Variants in GPHN observed in about 807,000 individuals in gnomAD.
GPHN encodes gephyrin.
In GPHN, 17 loss-of-function variants were observed where a neutral mutation model predicts 95.5. That is an observed-to-expected ratio of 0.18 (90% CI 0.12 to 0.27). The LOEUF is 0.27. Ranked by LOEUF, GPHN falls within the 10% of genes least tolerant of loss-of-function variation. GPHN has a pLI of 1.00. For missense variants in GPHN, 660 were observed against 978.1 expected (o/e 0.67, Z 4.34); for synonymous variants, 320 against 322.5 (o/e 0.99, Z 0.08).
intron 5 of GPHN, among the ~76,000 whole-genome samples, chr14:66,882,867 A>C (rs1170006779): frequency 6.6e-6 from 1 of 151,510 alleles, no homozygotes; most frequent in African/African-American, 2.4e-5. Context: ...AAAAAAAAAA[A>C]AGTAAAATAA....
At chr14:66,886,126 A>G (rs1434680560) in intron 5 of GPHN, among the ~76,000 whole-genome samples, 1 of 152,208 alleles carries the variant, frequency 6.6e-6, no homozygotes, top group Non-Finnish European at 1.5e-5. Flanking sequence ...GTAAATATCA[A>G]TAAATATATT....
At chr14:67,546,829 C>G in the GPHN span, among the ~76,000 whole-genome samples, 1 of 152,224 alleles carries the variant, frequency 6.6e-6, no homozygotes, top group Non-Finnish European at 1.5e-5. Flanking sequence ...TCACACTACA[C>G]TCCAGCCTGG....
chr14:67,124,689 G>A (rs1264744174), intron 17 of GPHN, among the ~76,000 whole-genome samples: 6 of 152,116 alleles, frequency 3.9e-5, no homozygotes, highest in Non-Finnish European at 1.5e-5. Context: ...AATGGCTCTG[G>A]CCCTACCTCT....
the GPHN span, among the ~76,000 whole-genome samples, chr14:67,602,660 AT>A: frequency 6.6e-6 from 1 of 152,228 alleles, no homozygotes; most frequent in African/African-American, 2.4e-5. Flanking sequence ...TCTAATTAAA[AT>A]TTAACATTTC....
At chr14:66,834,435 T>C (rs2061707845) in intron 4 of GPHN, among the ~76,000 whole-genome samples, 1 of 152,214 alleles carries the variant, frequency 6.6e-6, no homozygotes, top group Admixed American at 6.5e-5. Flanking sequence ...GTCCCATCAA[T>C]ACCTAATTTA....
the GPHN span, among the ~76,000 whole-genome samples, chr14:67,212,515 TG>T: frequency 6.7e-6 from 1 of 149,558 alleles, no homozygotes; most frequent in South Asian, 2.1e-4. Context: ...CACCTAATCC[TG>T]GGGGGTTGAG....
the GPHN span, among the ~76,000 whole-genome samples, chr14:67,725,876 GT>G: frequency 6.6e-6 from 1 of 152,224 alleles, no homozygotes; most frequent in Non-Finnish European, 1.5e-5. Flanking sequence ...TAGTTATTGA[GT>G]GCTGAGGCAA....
At chr14:66,703,639 A>G (rs2068775122) in intron 2 of GPHN, among the ~76,000 whole-genome samples, 1 of 87,614 alleles carries the variant, frequency 1.1e-5, no homozygotes, top group Non-Finnish European at 1.8e-5. Flanking sequence ...TGAAAGAAGC[A>G]CTAAATACGG....
At chr14:67,654,020 G>A in the GPHN span, among the ~76,000 whole-genome samples, 1 of 152,148 alleles carries the variant, frequency 6.6e-6, no homozygotes, top group Non-Finnish European at 1.5e-5. Context: ...CTGGACAGCT[G>A]GAGGATATTT....
At chr14:66,583,888 T>C (rs1158967190) in intron 1 of GPHN, among the ~76,000 whole-genome samples, 1 of 151,974 alleles carries the variant, frequency 6.6e-6, no homozygotes, top group Non-Finnish European at 1.5e-5. Context: ...TGGTTCCATA[T>C]GAACTTTAAA....
At chr14:67,076,233 G>A (rs2076488133) in intron 11 of GPHN, among the ~76,000 whole-genome samples, 3 of 152,084 alleles carry the variant, frequency 2.0e-5, no homozygotes, top group Non-Finnish European at 2.9e-5. Flanking sequence ...ATAATTGTTA[G>A]CATTTTTTAG....
intron 10 of GPHN, among the ~76,000 whole-genome samples, chr14:67,046,346 A>G (rs549149866): frequency 1.8e-3 from 281 of 152,296 alleles, no homozygotes; most frequent in Non-Finnish European, 3.3e-3. Context: ...GGATGAGAGA[A>G]AAATTACTCT....
At chr14:67,645,816 A>C in the GPHN span, 3 of 1,612,806 alleles carry the variant, frequency 1.9e-6, no homozygotes, top group Non-Finnish European at 1.7e-6. Flanking sequence ...AGTGGGCCAA[A>C]ACGAAAAGAA....
rs1414717012 is a variant in GPHN at position 66,835,045 on chromosome 14, A to T, written c.294+10479A>T. 7.4e-3 allele frequency among the ~76,000 whole-genome samples: 1,115 copies of T among 150,098 alleles called. 16 individuals are homozygous for T. Among genetic ancestry groups the T allele is most frequent in the African/African-American group, 0.026 (1,060 of 40,824 alleles). Reference sequence around the variant, plus strand: ...TAGATTTTCTAGTTTATTTGCGTAGAGGTGTTTGTAGTATTCTCTGATGGT... The same window carrying T: ...TAGATTTTCTAGTTTATTTGCGTAGTGGTGTTTGTAGTATTCTCTGATGGT... On this transcript the variant is annotated intron_variant, in intron 4 of 22. Transcript: ENST00000478722.
At chr14:67,536,378 G>A in the GPHN span, among the ~76,000 whole-genome samples, 1 of 151,878 alleles carries the variant, frequency 6.6e-6, no homozygotes, top group Non-Finnish European at 1.5e-5. Context: ...AGCCACGTCT[G>A]GCAGAGCACT....
the GPHN span, among the ~76,000 whole-genome samples, chr14:67,551,960 G>A: frequency 6.4e-4 from 98 of 152,232 alleles, no homozygotes; most frequent in Non-Finnish European, 1.2e-3. Flanking sequence ...GCCACTGCTC[G>A]GCACAGCAGG....
intron 21 of GPHN, among the ~76,000 whole-genome samples, chr14:67,174,322 C>A (rs1204211667): frequency 7.1e-6 from 1 of 140,436 alleles, no homozygotes; most frequent in African/African-American, 2.6e-5. Flanking sequence ...TGAGTGAGAA[C>A]ACACGGTGTT....
At chr14:66,822,029 G>A (rs1224384377) in intron 3 of GPHN, among the ~76,000 whole-genome samples, 3 of 152,138 alleles carry the variant, frequency 2.0e-5, no homozygotes, top group African/African-American at 4.8e-5. Flanking sequence ...TCGGCTCACT[G>A]CAACCTCTGC....
chr14:67,519,249 A>C, the GPHN span, among the ~76,000 whole-genome samples: 1 of 152,256 alleles, frequency 6.6e-6, no homozygotes, highest in Non-Finnish European at 1.5e-5. Context: ...AACTTTAGCT[A>C]TCTTAAGTCT....
Sources: allele counts gnomAD v4.1 joint callset (sites outside exome capture counted in the v4.1 genomes callset), GRCh38; gene constraint gnomAD v4.1.1; transcripts MANE v1.5; gene names NCBI Gene and HGNC (gene_info 2026-07-23, HGNC 2026-07-21).